Variants in SYNPR observed in about 807,000 individuals in gnomAD.
SYNPR encodes synaptoporin.
A neutral mutation model predicts 32.9 loss-of-function variants in SYNPR; 23 were observed. The ratio of observed to expected loss-of-function variants is 0.70; its 90% CI spans 0.50 to 0.99. SYNPR has a LOEUF of 0.99. Ranked by LOEUF, SYNPR falls within the 50% of genes least tolerant of loss-of-function variation. SYNPR has a pLI of 0.00. For missense variants in SYNPR, 318 were observed against 349.3 expected (o/e 0.91, Z 0.71); for synonymous variants, 146 against 135.9 (o/e 1.07, Z -0.52).
At chr3:63,497,727 T>C (rs11717009) in intron 3 of SYNPR, among the ~76,000 whole-genome samples, 32,068 of 152,038 alleles carry the variant, frequency 0.21, 3,516 homozygotes, top group East Asian at 0.26. Flanking sequence ...ATACAGATTT[T>C]TAAAAAGTAA....
intron 3 of SYNPR, among the ~76,000 whole-genome samples, chr3:63,552,438 T>C (rs1437680614): frequency 6.6e-6 from 1 of 152,208 alleles, no homozygotes; most frequent in East Asian, 1.9e-4. Flanking sequence ...TAATGAATGC[T>C]TCTGTTGTCC....
chr3:63,446,622 T>C (rs1700282169), intron 2 of SYNPR, among the ~76,000 whole-genome samples: 1 of 152,192 alleles, frequency 6.6e-6, no homozygotes, highest in Admixed American at 6.5e-5. Context: ...AGTCATAAAG[T>C]GAGCCTGTAA....
In SYNPR at chr3:63,510,286, C is replaced by A. The variant is rs191747061; in HGVS notation, c.209+29330C>A. On this transcript the variant is annotated intron_variant, in intron 3 of 5. Transcript: ENST00000478300. ...ATCACTGTATAATGATTCTTTCCAC[C>A]CTTTAGTTTCAACAGATGGTTTTGA... Among the ~76,000 whole-genome samples the A allele has an allele frequency of 6.2e-4, 94 of 152,166 alleles. 1 individual carries two copies. The highest frequency in any genetic ancestry group is 2.2e-3 in the African/African-American group (92 of 41,528).
At chr3:63,451,998 C>T (rs912728754) in intron 2 of SYNPR, 3 of 675,836 alleles carry the variant, frequency 4.4e-6, no homozygotes, top group East Asian at 5.4e-5. Context: ...GGAAGACACC[C>T]TCCTTTCTTC....
At chr3:63,434,955 A>C (rs1039471248) in intron 2 of SYNPR, among the ~76,000 whole-genome samples, 3 of 152,220 alleles carry the variant, frequency 2.0e-5, no homozygotes, top group African/African-American at 7.2e-5. Context: ...GAAAGAGTGA[A>C]TCTACTGCTC....
At chr3:63,395,085 C>G (rs1260520289) in intron 2 of SYNPR, among the ~76,000 whole-genome samples, 1 of 151,774 alleles carries the variant, frequency 6.6e-6, no homozygotes, top group African/African-American at 2.4e-5. Flanking sequence ...ACTTCAGGGC[C>G]TGACTACTGA....
intron 3 of SYNPR, among the ~76,000 whole-genome samples, chr3:63,523,861 G>T (rs765387612): frequency 6.6e-6 from 1 of 152,112 alleles, no homozygotes; most frequent in Non-Finnish European, 1.5e-5. Context: ...ACAACAGTTA[G>T]GATGAACAGC....
intron 2 of SYNPR, among the ~76,000 whole-genome samples, chr3:63,448,020 T>C (rs1575649306): frequency 2.2e-5 from 3 of 135,374 alleles, no homozygotes; most frequent in African/African-American, 5.2e-5. Context: ...TTATTTATTT[T>C]TGAGATGGAG....
At chr3:63,564,884 A>G (rs565122703) in intron 4 of SYNPR, among the ~76,000 whole-genome samples, 12 of 152,328 alleles carry the variant, frequency 7.9e-5, no homozygotes, top group Admixed American at 7.2e-4. Context: ...TGAACTGCTT[A>G]AAGAATTCAT....
At chr3:63,220,197 A>T in the SYNPR span, among the ~76,000 whole-genome samples, 153 of 152,340 alleles carry the variant, frequency 1.0e-3, 4 homozygotes, top group Admixed American at 9.8e-4. Context: ...ATACTGCTGT[A>T]ATCCAGGTTA....
intron 2 of SYNPR, among the ~76,000 whole-genome samples, chr3:63,432,423 G>A (rs1412241760): frequency 6.6e-6 from 1 of 152,148 alleles, no homozygotes; most frequent in Non-Finnish European, 1.5e-5. Context: ...CAGCAGAATC[G>A]AAGCTGATTT....
intron 1 of SYNPR, among the ~76,000 whole-genome samples, chr3:63,250,919 T>A (rs1395275259): frequency 2.6e-5 from 4 of 152,286 alleles, no homozygotes; most frequent in African/African-American, 9.6e-5. Context: ...GTTTTCTTTT[T>A]TTTAGCTATG....
At chr3:63,579,746 A>G (rs1304547407) in intron 4 of SYNPR, among the ~76,000 whole-genome samples, 1 of 151,632 alleles carries the variant, frequency 6.6e-6, no homozygotes, top group East Asian at 1.9e-4. Context: ...TGAATAAGTA[A>G]TTTCAAATGG....
intron 2 of SYNPR, among the ~76,000 whole-genome samples, chr3:63,281,794 T>C (rs1275509653): frequency 6.6e-6 from 1 of 152,232 alleles, no homozygotes; most frequent in African/African-American, 2.4e-5. Context: ...CAACATCATC[T>C]GTAGTGAAAA....
At chr3:63,546,640 C>T (rs1702408593) in intron 3 of SYNPR, among the ~76,000 whole-genome samples, 2 of 151,852 alleles carry the variant, frequency 1.3e-5, no homozygotes, top group South Asian at 4.2e-4. Context: ...TTATTACCCT[C>T]CTTAAAATAA....
chr3:63,376,450 C>T (rs912729761), intron 2 of SYNPR, among the ~76,000 whole-genome samples: 3 of 152,112 alleles, frequency 2.0e-5, no homozygotes, highest in African/African-American at 7.2e-5. Context: ...ACTGCTTTCT[C>T]ATCTCTCTAC....
At chr3:63,330,102 G>A (rs2087210182) in intron 2 of SYNPR, 1 of 152,136 alleles carries the variant, frequency 6.6e-6, no homozygotes, top group African/African-American at 2.4e-5. Context: ...GAAGCTCAGT[G>A]ACTCTTTCTG....
intron 3 of SYNPR, among the ~76,000 whole-genome samples, chr3:63,520,758 A>T (rs1701896700): frequency 6.6e-6 from 1 of 152,042 alleles, no homozygotes; most frequent in South Asian, 2.1e-4. Context: ...GTGAGAGGTG[A>T]GGCCAGAATT....
At chr3:63,222,748 C>T in the SYNPR span, among the ~76,000 whole-genome samples, 6 of 152,148 alleles carry the variant, frequency 3.9e-5, no homozygotes, top group Admixed American at 3.3e-4. Context: ...AACTCCTGAT[C>T]TCAGTTGATC....
Sources: gnomAD v4.1 joint callset for allele counts (sites outside exome capture counted in the v4.1 genomes callset) on GRCh38, gnomAD v4.1.1 for gene constraint, MANE v1.5 for transcripts, NCBI Gene and HGNC (gene_info 2026-07-23, HGNC 2026-07-21) for gene names.